The following PRDM16 variants were observed in gnomAD, a reference collection of about 807,000 sequenced individuals.
The protein encoded by PRDM16 is PR/SET domain 16, also known as histone-lysine N-methyltransferase PRDM16.
In PRDM16, 23 loss-of-function variants were observed where a neutral mutation model predicts 110.6. The ratio of observed to expected loss-of-function variants is 0.21; its 90% CI spans 0.15 to 0.29. The LOEUF is 0.29. PRDM16 is among the 10% of genes least tolerant of loss of function. The pLI is 1.00. For missense variants in PRDM16, 1,615 were observed against 1,794.3 expected (o/e 0.90, Z 1.81); for synonymous variants, 799 against 781.8 (o/e 1.02, Z -0.37).
At chr1:3,344,934 G>T (rs985069503) in intron 3 of PRDM16, among the ~76,000 whole-genome samples, 1 of 152,144 alleles carries the variant, frequency 6.6e-6, no homozygotes, top group Non-Finnish European at 1.5e-5. Flanking sequence ...TTTCTGTGGG[G>T]CCCTTTGCAA....
At position 3,353,790 on chromosome 1, in the gene PRDM16, T is replaced by G. The variant is rs1642540483; in HGVS notation, c.439-31362T>G. On this transcript the variant is annotated intron_variant, in intron 3 of 16. Coordinates refer to ENST00000270722, the MANE Select transcript of PRDM16 (RefSeq NM_022114.4). The surrounding 1 kb of genome is among the most constrained non-coding windows in gnomAD (Gnocchi z 5.4). ...ACCTCCTGACTCCTGCCTCTGTGTC[T>G]TGTCACCAGGCCTTACCCTGGGGAC... 6.6e-6 allele frequency among the ~76,000 whole-genome samples: 1 copy of G among 152,182 alleles called. No individual in the cohort carries two copies. The highest frequency in any genetic ancestry group is 2.1e-4 in the South Asian group (1 of 4,834).
chr1:3,179,050 T>G (rs976023830), intron 1 of PRDM16, among the ~76,000 whole-genome samples: 1 of 152,230 alleles, frequency 6.6e-6, no homozygotes, highest in Non-Finnish European at 1.5e-5. Context: ...TCACGGGCCT[T>G]GAGGCCTGAT....
chr1:3,167,542 C>A (rs1335662702), intron 1 of PRDM16, among the ~76,000 whole-genome samples: 1 of 151,978 alleles, frequency 6.6e-6, no homozygotes, highest in African/African-American at 2.4e-5. Context: ...GAGCCTCCTC[C>A]CAGCGCCTCT....
intron 3 of PRDM16, among the ~76,000 whole-genome samples, chr1:3,346,672 C>T (rs1199563291): frequency 2.0e-5 from 3 of 152,124 alleles, no homozygotes; most frequent in African/African-American, 4.8e-5. Flanking sequence ...CAAGGAGGCA[C>T]AGGCAGATGC....
At chr1:3,427,523 G>A (rs373217413) in intron 14 of PRDM16, among the ~76,000 whole-genome samples, 1 of 152,170 alleles carries the variant, frequency 6.6e-6, no homozygotes, top group Non-Finnish European at 1.5e-5. Flanking sequence ...CTCCCTCAGA[G>A]CCCATCCCCT....
intron 1 of PRDM16, among the ~76,000 whole-genome samples, chr1:3,075,193 A>G (rs953553594): frequency 2.0e-5 from 3 of 152,268 alleles, no homozygotes; most frequent in African/African-American, 7.2e-5. Flanking sequence ...TTTGTTTAAT[A>G]GTTAACATTT....
intron 1 of PRDM16, among the ~76,000 whole-genome samples, chr1:3,134,489 G>A (rs1327664351): frequency 6.6e-6 from 1 of 152,100 alleles, no homozygotes; most frequent in African/African-American, 2.4e-5. Flanking sequence ...CTCCCCTCCC[G>A]CACAGCCTCT....
intron 14 of PRDM16, among the ~76,000 whole-genome samples, chr1:3,428,733 C>G (rs780772990): frequency 2.0e-5 from 3 of 152,212 alleles, no homozygotes; most frequent in Non-Finnish European, 4.4e-5. Context: ...CCCCGTGAAC[C>G]CCTGAGTTGA....
chr1:3,218,099 G>A (rs978806152), intron 2 of PRDM16, among the ~76,000 whole-genome samples: 4 of 152,322 alleles, frequency 2.6e-5, no homozygotes, highest in Non-Finnish European at 4.4e-5. Flanking sequence ...CACTATTGTC[G>A]TGGCCAAGTG....
chr1:3,125,472 G>A (rs141242241), intron 1 of PRDM16, among the ~76,000 whole-genome samples: 5 of 152,360 alleles, frequency 3.3e-5, no homozygotes, highest in African/African-American at 9.6e-5. Flanking sequence ...CCCACTCAGC[G>A]GCTGCTGGGC....
At chr1:3,146,972 G>A (rs1278627434) in intron 1 of PRDM16, among the ~76,000 whole-genome samples, 25 of 110,904 alleles carry the variant, frequency 2.3e-4, no homozygotes, top group South Asian at 7.3e-4. Flanking sequence ...ACGTGTGCTC[G>A]GTGTGGGGTG....
At chr1:3,404,979 A>T in intron 7 of PRDM16, 93 bp downstream of exon 7, 2 of 1,380,576 alleles carry the variant, frequency 1.4e-6, no homozygotes, top group Non-Finnish European at 2.0e-6. Flanking sequence ...CCTGGTCCAA[A>T]TGTAGATGGA....
intron 1 of PRDM16, among the ~76,000 whole-genome samples, chr1:3,076,887 A>G (rs544586353): frequency 6.6e-6 from 1 of 152,128 alleles, no homozygotes; most frequent in Non-Finnish European, 1.5e-5. Context: ...GAATTTAAAC[A>G]TGGGGTGATG....
At chr1:3,086,628 C>T (rs1029057265) in intron 1 of PRDM16, among the ~76,000 whole-genome samples, 1 of 152,130 alleles carries the variant, frequency 6.6e-6, no homozygotes, top group African/African-American at 2.4e-5. Context: ...GCTCCCTTCC[C>T]CCAGCTGCAG....
At chr1:3,078,542 C>T (rs956891553) in intron 1 of PRDM16, among the ~76,000 whole-genome samples, 5 of 152,210 alleles carry the variant, frequency 3.3e-5, no homozygotes, top group East Asian at 3.9e-4. Context: ...GTTTCACATT[C>T]GAAAGGCCCA....
chr1:3,276,310 C>G (rs960786789), intron 3 of PRDM16, among the ~76,000 whole-genome samples: 3 of 152,204 alleles, frequency 2.0e-5, no homozygotes, highest in African/African-American at 4.8e-5. Context: ...GGTGGGAGTC[C>G]TGGTCTCAGC....
intron 2 of PRDM16, among the ~76,000 whole-genome samples, chr1:3,222,425 A>G (rs1639174769): frequency 6.6e-6 from 1 of 152,134 alleles, no homozygotes; most frequent in Non-Finnish European, 1.5e-5. Context: ...TCCCTCCGCC[A>G]TGAGGAGTGG....
At chr1:3,328,972 C>T (rs1641984077) in intron 3 of PRDM16, among the ~76,000 whole-genome samples, 1 of 152,186 alleles carries the variant, frequency 6.6e-6, no homozygotes, top group Non-Finnish European at 1.5e-5. Flanking sequence ...AGGGAACTCC[C>T]CAGCCCCTCC....
chr1:3,351,426 G>A (rs979884136), intron 3 of PRDM16, among the ~76,000 whole-genome samples: 5 of 149,034 alleles, frequency 3.4e-5, no homozygotes, highest in East Asian at 2.0e-4. Flanking sequence ...CTATAGGAAC[G>A]CAGAGGGAGC....
Sources: gnomAD v4.1 joint callset for allele counts (sites outside exome capture counted in the v4.1 genomes callset) on GRCh38, gnomAD v4.1.1 for gene constraint, Gnocchi (gnomAD v3.1) non-coding constraint, MANE v1.5 for transcripts, NCBI Gene and HGNC (gene_info 2026-07-23, HGNC 2026-07-21) for gene names.